The following IQCB1 variants were observed in gnomAD, a reference collection of about 807,000 sequenced individuals.
IQCB1 encodes the protein IQ calmodulin-binding motif-containing protein 1.
IQCB1 carries 56 observed loss-of-function variants against 84.4 expected under a neutral mutation model. The ratio of observed to expected loss-of-function variants is 0.66; its 90% CI spans 0.54 to 0.83. The LOEUF (loss-of-function observed/expected upper bound fraction) is 0.83. IQCB1 is among the 40% of genes least tolerant of loss of function. The pLI, the probability that IQCB1 is intolerant of heterozygous loss-of-function variation, is 0.00. For synonymous variants in IQCB1, 210 were observed against 234.8 expected (o/e 0.89, Z 0.96); for missense variants, 629 against 682.1 (o/e 0.92, Z 0.87).
intron 12 of IQCB1, among the ~76,000 whole-genome samples, chr3:121,786,185 G>GAAAAGAAAAAA: frequency 7.3e-6 from 1 of 136,622 alleles, no homozygotes; most frequent in African/African-American, 2.7e-5. Flanking sequence ...GAAAAGAAAA[G>GAAAAGAAAAAA]AAAAGAAAAG....
intron 8 of IQCB1, 38 bp from the exon 9 acceptor site, chr3:121,797,265 A>G: frequency 1.1e-6 from 1 of 911,026 alleles, no homozygotes; most frequent in Non-Finnish European, 1.7e-6. Context: ...TATTATTATA[A>G]TAATAAAATA....
At chr3:121,786,231 T>C (rs764269240) in intron 12 of IQCB1, among the ~76,000 whole-genome samples, 11 of 98,884 alleles carry the variant, frequency 1.1e-4, no homozygotes, top group Non-Finnish European at 2.1e-4. Context: ...TTTAAAAATA[T>C]GGCAAAATGT....
Position 121,811,480 on chromosome 3 carries a change from C to G in IQCB1, c.394-2471G>C, listed in dbSNP as rs1001272898. 3.9e-5 allele frequency among the ~76,000 whole-genome samples: 6 copies of G among 152,268 alleles called. No homozygotes were observed. The South Asian group carries it at 1.2e-3, about 32-fold the overall frequency. ...GCCAAGAGGTCTTGTTCAGCGGGTCCCACTCCCACGGAGACCAGCAAGCTA... is the reference window on the plus strand; with the variant it reads ...GCCAAGAGGTCTTGTTCAGCGGGTCGCACTCCCACGGAGACCAGCAAGCTA... On this transcript the variant is annotated intron_variant, in intron 5 of 14. Coordinates refer to ENST00000310864, the MANE Select transcript of IQCB1 (RefSeq NM_001023570.4).
chr3:121,789,783 T>C (rs1948882905), intron 11 of IQCB1, among the ~76,000 whole-genome samples: 1 of 152,210 alleles, frequency 6.6e-6, no homozygotes. Flanking sequence ...AGAAGTATCT[T>C]TGTGTCTCTA....
chr3:121,807,975 C>T (rs1337387948), intron 6 of IQCB1, among the ~76,000 whole-genome samples: 3 of 151,932 alleles, frequency 2.0e-5, no homozygotes, highest in Admixed American at 2.0e-4. Flanking sequence ...GATACTTATA[C>T]AAGTTGCTTA....
chr3:121,792,425 C>T (rs893329886), intron 10 of IQCB1, among the ~76,000 whole-genome samples: 3 of 151,678 alleles, frequency 2.0e-5, no homozygotes, highest in African/African-American at 4.8e-5. Context: ...TTTGGGAGGC[C>T]GAGGCGGGTG....
At chr3:121,824,574 T>C (rs867806016) in intron 5 of IQCB1, among the ~76,000 whole-genome samples, 1 of 144,630 alleles carries the variant, frequency 6.9e-6, no homozygotes, top group Non-Finnish European at 1.5e-5. Context: ...TTATCAGAGA[T>C]AAATATCATT....
chr3:121,812,110 C>A lies in IQCB1; in HGVS notation c.394-3101G>T, dbSNP rs1949853291. Among the ~76,000 whole-genome samples the A allele has an allele frequency of 2.6e-5, 4 of 152,294 alleles. No homozygotes were observed. In the South Asian group the frequency reaches 8.3e-4, roughly 32 times the overall value. On this transcript the variant is annotated intron_variant, in intron 5 of 14. Transcript: ENST00000310864. ...AGTAATATTTGCTGTTCTACAGCCT[C>A]TGCTGCTGATACCCAGGCAAACAGG...
At chr3:121,775,815 T>G (rs1455306818) in intron 13 of IQCB1, among the ~76,000 whole-genome samples, 1 of 152,186 alleles carries the variant, frequency 6.6e-6, no homozygotes, top group Non-Finnish European at 1.5e-5. Flanking sequence ...TTGCTAAGCT[T>G]TGACATACAC....
In IQCB1 at chr3:121,772,550, C is replaced by T; in HGVS notation, c.1567+7G>A. ...TTTTAGAGAACGAAAGTAAAATGAG[C>T]ACATACTCATTAGCTGTTCAACGTT... On this transcript the variant is annotated splice_region_variant and intron_variant, in intron 14 of 14. Coordinates refer to ENST00000310864, the MANE Select transcript of IQCB1 (RefSeq NM_001023570.4). 1.2e-6 allele frequency: 2 copies of T among 1,613,898 alleles called. No homozygotes were observed. The highest frequency in any genetic ancestry group is 8.5e-7 in the Non-Finnish European group (1 of 1,179,742).
At chr3:121,809,587 A>C (rs1178600091) in intron 5 of IQCB1, among the ~76,000 whole-genome samples, 1 of 152,138 alleles carries the variant, frequency 6.6e-6, no homozygotes. Flanking sequence ...CAGTTCTGAC[A>C]CATAGTAAAT....
chr3:121,786,185 G>GAAAAGAAAAGAA (rs1948721664), intron 12 of IQCB1, among the ~76,000 whole-genome samples: 1 of 136,538 alleles, frequency 7.3e-6, no homozygotes, highest in African/African-American at 2.7e-5. Context: ...GAAAAGAAAA[G>GAAAAGAAAAGAA]AAAAGAAAAG....
intron 2 of IQCB1, among the ~76,000 whole-genome samples, chr3:121,833,694 T>C (rs1021890424): frequency 2.6e-5 from 4 of 152,184 alleles, no homozygotes; most frequent in African/African-American, 9.7e-5. Flanking sequence ...AAATGCTAAA[T>C]AGATGACACA....
chr3:121,770,636 T>G (rs1362194071), intron 14 of IQCB1, 62 bp from the exon 15 acceptor site: 4 of 1,272,292 alleles, frequency 3.1e-6, no homozygotes, highest in East Asian at 4.6e-5. Context: ...GGTAGGAACT[T>G]GGAAGCTACA....
At chr3:121,795,383 A>T (rs1009636448) in intron 10 of IQCB1, 74 bp downstream of exon 10, 1 of 856,620 alleles carries the variant, frequency 1.2e-6, no homozygotes, top group Non-Finnish European at 2.0e-6. Context: ...TTAAAAAAAA[A>T]TCACCTAAAT....
chr3:121,786,170 C>CAAGAAGAAAAGAAAAAAAAG, intron 12 of IQCB1, among the ~76,000 whole-genome samples: 1 of 72,848 alleles, frequency 1.4e-5, no homozygotes, highest in Non-Finnish European at 2.5e-5. Context: ...GATTCTGTCT[C>CAAGAAGAAAAGAAAAAAAAG]AAAAGAAAAG....
chr3:121,803,990 CT>C (rs545830288), intron 7 of IQCB1, among the ~76,000 whole-genome samples: 19 of 147,966 alleles, frequency 1.3e-4, no homozygotes, highest in Admixed American at 3.4e-4. Flanking sequence ...CTTTGTTCTT[CT>C]TTTTTTTTTA....
chr3:121,786,610 C>G (rs886601034), intron 12 of IQCB1, among the ~76,000 whole-genome samples: 1 of 152,126 alleles, frequency 6.6e-6, no homozygotes, highest in Non-Finnish European at 1.5e-5. Flanking sequence ...TGACCTTGAC[C>G]CATCCCTTTT....
chr3:121,801,702 A>G (rs1352786519), intron 7 of IQCB1, among the ~76,000 whole-genome samples: 2 of 151,110 alleles, frequency 1.3e-5, no homozygotes, highest in Non-Finnish European at 3.0e-5. Context: ...GCTTCCTTGT[A>G]TTTCATTGTA....
Sources: gnomAD v4.1 joint callset for allele counts (sites outside exome capture counted in the v4.1 genomes callset) on GRCh38, gnomAD v4.1.1 for gene constraint, MANE v1.5 for transcripts, NCBI Gene and HGNC (gene_info 2026-07-23, HGNC 2026-07-21) for gene names.